The following ZNF366 variants were observed in gnomAD, a reference collection of about 807,000 sequenced individuals.
The protein encoded by ZNF366 is dendritic cell-specific transcript protein.
In ZNF366, 20 loss-of-function variants were observed where a neutral mutation model predicts 47.2. The ratio of observed to expected loss-of-function variants is 0.42; its 90% CI spans 0.30 to 0.62. The LOEUF (loss-of-function observed/expected upper bound fraction) is 0.62, where lower values mean the gene tolerates loss of function less well. Ranked by LOEUF, ZNF366 falls within the 20% of genes least tolerant of loss-of-function variation. The pLI is 0.16. For missense variants in ZNF366, 987 were observed against 976.3 expected, an observed-to-expected ratio of 1.01 and a Z score of -0.15; for synonymous variants, 421 against 395.1, an observed-to-expected ratio of 1.07 and a Z score of -0.78.
At chr5:72,486,033 TC>T in intron 1 of ZNF366, among the ~76,000 whole-genome samples, 1 of 152,226 alleles carries the variant, frequency 6.6e-6, no homozygotes. Flanking sequence ...GTATTCTCTC[TC>T]CTTCCTGACT....
Position 72,443,633 on chromosome 5 carries a change from A to T in ZNF366, c.*123T>A. On this transcript the variant is annotated 3_prime_UTR_variant, in exon 5 of 5. Transcript: ENST00000318442. The stretch of plus-strand genomic sequence containing the variant: ...CCATTACCTACATCCCTGCTCATTT[A>T]GTCTAAGCCATTTGTAGAGATTGGT... The T allele has an allele frequency of 1.8e-6, 2 of 1,081,406 alleles. No individual in the cohort carries two copies. The highest frequency in any genetic ancestry group is 2.6e-6 in the Non-Finnish European group (2 of 769,644). 67.0% of individuals were successfully genotyped at this position (1,081,406 alleles called of 1,614,324 possible). A position where few individuals can be genotyped will look rare whatever the true frequency, so the allele number is the denominator to read the frequency against.
chr5:72,497,903 T>A (rs990419421), intron 1 of ZNF366, among the ~76,000 whole-genome samples: 1 of 152,210 alleles, frequency 6.6e-6, no homozygotes, highest in African/African-American at 2.4e-5. Flanking sequence ...TATATTTCAT[T>A]TTATGTGAAG....
intron 1 of ZNF366, among the ~76,000 whole-genome samples, chr5:72,479,018 G>A (rs560533771): frequency 1.4e-4 from 22 of 152,156 alleles, no homozygotes; most frequent in African/African-American, 5.3e-4. Context: ...TCCTACTTCT[G>A]TTCTAGTTTC....
At chr5:72,470,374 C>T (rs1302817545) in intron 1 of ZNF366, among the ~76,000 whole-genome samples, 3 of 152,176 alleles carry the variant, frequency 2.0e-5, no homozygotes, top group African/African-American at 4.8e-5. Flanking sequence ...CAAGATTCTG[C>T]AGGGCAGGAG....
chr5:72,455,521 G>A (rs1191380910), intron 3 of ZNF366, among the ~76,000 whole-genome samples: 1 of 152,120 alleles, frequency 6.6e-6, no homozygotes, highest in Non-Finnish European at 1.5e-5. Flanking sequence ...ATGACACTTG[G>A]CCAGTACATC....
chr5:72,494,958 A>G (rs1042768647), intron 1 of ZNF366, among the ~76,000 whole-genome samples: 8 of 152,116 alleles, frequency 5.3e-5, no homozygotes, highest in Non-Finnish European at 7.4e-5. Flanking sequence ...CCCCCCGCAT[A>G]ATGTCACAAT....
At position 72,460,489 on chromosome 5, in the gene ZNF366, C is replaced by A. The variant is rs201480645; in HGVS notation, c.1008G>T (p.Pro336=). 1.2e-6 allele frequency: 2 copies of A among 1,613,760 alleles called. No individual in the cohort carries two copies. Among genetic ancestry groups the A allele is most frequent in the African/African-American group, 2.7e-5 (2 of 74,950 alleles). The change falls in exon 2 of 5, where the codon CCG becomes CCT. Residue 336 remains proline, a synonymous_variant. Transcript: ENST00000318442. ...CGCGGCCGCACACGCGGCAGTTGTG[C>A]GGCTTCACCTCGCTGTGCTGCATCA... The part of the protein sequence containing the change: ...RHMMQHSEVK[P]HNCRVCGRGF...
At chr5:72,496,295 C>T (rs1281321375) in intron 1 of ZNF366, among the ~76,000 whole-genome samples, 1 of 152,104 alleles carries the variant, frequency 6.6e-6, no homozygotes, top group African/African-American at 2.4e-5. Flanking sequence ...CACCCCTGGC[C>T]CCAGGAAACC....
intron 1 of ZNF366, among the ~76,000 whole-genome samples, chr5:72,479,088 C>T (rs945546029): frequency 6.6e-6 from 1 of 152,204 alleles, no homozygotes; most frequent in African/African-American, 2.4e-5. Context: ...AGACCTAGCT[C>T]TTGCCCATTT....
Position 72,461,623 on chromosome 5 carries a change from T to G in ZNF366, c.-14-113A>C, listed in dbSNP as rs1191232599. 3 of 1,342,166 alleles carry G rather than the reference T, an allele frequency of 2.2e-6. No individual in the cohort carries two copies. In the African/African-American group the frequency reaches 4.4e-5, roughly 20 times the overall value. 83.1% of individuals were successfully genotyped at this position (1,342,166 alleles called of 1,614,324 possible). ...TAATTTATGAAGAGTAGTACTTGCT[T>G]AATATGGACCCTCATTTATCCTAGG... On this transcript the variant is annotated intron_variant, in intron 1 of 4. Transcript: ENST00000318442.
At chr5:72,454,558 GA>G (rs1421545606) in intron 3 of ZNF366, among the ~76,000 whole-genome samples, 2 of 152,192 alleles carry the variant, frequency 1.3e-5, no homozygotes, top group Non-Finnish European at 2.9e-5. Flanking sequence ...GTGGAGGTAG[GA>G]GATGGCTGAA....
chr5:72,484,495 A>AAATAATAATAATAATAATAAT (rs60726077), intron 1 of ZNF366, among the ~76,000 whole-genome samples: 3 of 145,812 alleles, frequency 2.1e-5, no homozygotes, highest in Admixed American at 6.7e-5. Flanking sequence ...AAAAAAAAAA[A>AAATAATAATAATAATAATAAT]AATAATAATA....
chr5:72,477,849 T>C (rs1743705375), intron 1 of ZNF366, among the ~76,000 whole-genome samples: 1 of 152,150 alleles, frequency 6.6e-6, no homozygotes, highest in African/African-American at 2.4e-5. Flanking sequence ...CGGAAGTGGC[T>C]GTGTTTTAAT....
At chr5:72,465,639 G>A (rs1315061507) in intron 1 of ZNF366, among the ~76,000 whole-genome samples, 10 of 152,158 alleles carry the variant, frequency 6.6e-5, no homozygotes, top group African/African-American at 9.7e-5. Context: ...AGGAGGTGGG[G>A]CAAGCCCTCC....
rs1742864238 is a variant in ZNF366 at position 72,442,059 on chromosome 5, T to C, written c.*1697A>G. The C allele has an allele frequency of 1.3e-5, 2 of 149,958 alleles. No individual in the cohort carries two copies. Among genetic ancestry groups the C allele is most frequent in the Admixed American group, 6.7e-5 (1 of 15,022 alleles). 9.3% of individuals were successfully genotyped at this position (149,958 alleles called of 1,614,324 possible). Reference sequence around the variant, plus strand: ...AGGCCAGTCATGCATTTTTTAAACATAGTAAGTGACCATAAACATCACAGG... The same window carrying C: ...AGGCCAGTCATGCATTTTTTAAACACAGTAAGTGACCATAAACATCACAGG... On this transcript the variant is annotated 3_prime_UTR_variant, in exon 5 of 5. Coordinates refer to ENST00000318442, the MANE Select transcript of ZNF366 (RefSeq NM_152625.3).
In ZNF366 at chr5:72,461,432, G is replaced by T. The variant is rs1455323524; in HGVS notation, c.65C>A (p.Thr22Asn). 1.9e-6 allele frequency: 3 copies of T among 1,607,206 alleles called. No homozygotes were observed. The highest frequency in any genetic ancestry group is 2.6e-6 in the Non-Finnish European group (3 of 1,174,842). The change falls in exon 2 of 5, where the codon ACC becomes AAC. Residue 22 changes from threonine (T) to asparagine (N), a missense_variant. Coordinates refer to ENST00000318442, the MANE Select transcript of ZNF366 (RefSeq NM_152625.3). ...CTGCAGGCAGTGGGGAAAGGAGGGG[G>T]TCTTCTTCACAGCCAAGTCGAAATG... Reference protein sequence around the residue: ...DVHFDLAVKKTPSFPHCLQPV... With the variant: ...DVHFDLAVKKNPSFPHCLQPV...
intron 1 of ZNF366, 112 bp downstream of exon 1, chr5:72,507,139 C>T: frequency 1.2e-6 from 1 of 803,146 alleles, no homozygotes; most frequent in Non-Finnish European, 1.5e-6. Flanking sequence ...ATCACTTATA[C>T]CCTTTGGTTA....
chr5:72,488,016 G>T (rs1400142685), intron 1 of ZNF366, among the ~76,000 whole-genome samples: 2 of 151,950 alleles, frequency 1.3e-5, no homozygotes, highest in Non-Finnish European at 2.9e-5. Context: ...GACCAGCCTG[G>T]CCAACATGGT....
At chr5:72,448,037 G>A (rs549121801) in intron 3 of ZNF366, among the ~76,000 whole-genome samples, 3 of 152,200 alleles carry the variant, frequency 2.0e-5, no homozygotes, top group Non-Finnish European at 4.4e-5. Flanking sequence ...TCTGTATCAG[G>A]CAGAAGAGAA....
Sources: gnomAD v4.1 joint callset for allele counts (sites outside exome capture counted in the v4.1 genomes callset) on GRCh38, gnomAD v4.1.1 for gene constraint, MANE v1.5 for transcripts, NCBI Gene and HGNC (gene_info 2026-07-23, HGNC 2026-07-21) for gene names.